The following USP40 variants were observed in gnomAD, a reference collection of about 807,000 sequenced individuals.
The protein encoded by USP40 is ubiquitin specific peptidase 40, also known as ubiquitin carboxyl-terminal hydrolase 40.
In USP40, 143 loss-of-function variants were observed where a neutral mutation model predicts 166.2. The observed-to-expected ratio is 0.86, with a 90% CI of 0.75 to 0.99. The LOEUF (loss-of-function observed/expected upper bound fraction) is 0.99, where lower values mean the gene tolerates loss of function less well. USP40 is among the 50% of genes least tolerant of loss of function. The pLI, the probability that USP40 is intolerant of heterozygous loss-of-function variation, is 0.00. For missense variants in USP40, 1,444 were observed against 1,479.7 expected (o/e 0.98, Z 0.40); for synonymous variants, 498 against 524.0 (o/e 0.95, Z 0.68).
intron 10 of USP40, among the ~76,000 whole-genome samples, chr2:233,538,084 T>G (rs1298195313): frequency 6.6e-6 from 1 of 152,162 alleles, no homozygotes; most frequent in Non-Finnish European, 1.5e-5. Context: ...GGTATACTAT[T>G]AATTTGTAAT....
chr2:233,551,914 T>C (rs766544361), intron 6 of USP40, among the ~76,000 whole-genome samples: 30 of 152,154 alleles, frequency 2.0e-4, no homozygotes, highest in Non-Finnish European at 3.7e-4. Flanking sequence ...CCTAGGAACC[T>C]GTTTTAAAGG....
In USP40 at chr2:233,524,007, C is replaced by T. The variant is rs139630509; in HGVS notation, c.1881+485G>A. The stretch of plus-strand genomic sequence containing the variant: ...GCATCTGACGCACAACCTGGTATAA[C>T]GGAGGCGCTCAAGAAATGTCTCCTT... On this transcript the variant is annotated intron_variant, in intron 15 of 31. Transcript: ENST00000678225. 6.4e-3 allele frequency among the ~76,000 whole-genome samples: 981 copies of T among 152,272 alleles called. 4 individuals carry two copies. Among genetic ancestry groups the T allele is most frequent in the African/African-American group, 0.022 (926 of 41,546 alleles).
At chr2:233,479,977 G>C (rs1189547933) in intron 31 of USP40, among the ~76,000 whole-genome samples, 1 of 152,104 alleles carries the variant, frequency 6.6e-6, no homozygotes, top group Non-Finnish European at 1.5e-5. Flanking sequence ...TCCTCGCTCG[G>C]CTCCCTGATT....
chr2:233,531,875 G>C (rs1323942326), intron 11 of USP40, among the ~76,000 whole-genome samples: 3 of 152,106 alleles, frequency 2.0e-5, no homozygotes, highest in South Asian at 2.1e-4. Flanking sequence ...ATCTTACTAG[G>C]CCTCATGCCT....
chr2:233,479,007 T>C (rs1037865969), intron 31 of USP40, among the ~76,000 whole-genome samples: 2 of 152,128 alleles, frequency 1.3e-5, no homozygotes, highest in African/African-American at 4.8e-5. Context: ...AAAAACAATA[T>C]AGTAAGTGGT....
At chr2:233,516,159 C>T (rs1466077638) in intron 18 of USP40, among the ~76,000 whole-genome samples, 1 of 151,986 alleles carries the variant, frequency 6.6e-6, no homozygotes, top group Admixed American at 6.5e-5. Flanking sequence ...AGTTTGCTGA[C>T]CTCCTCTCTA....
rs558332834 is a variant in USP40 at position 233,555,382 on chromosome 2, T to A, written c.547-856A>T. 6.6e-4 allele frequency among the ~76,000 whole-genome samples: 101 copies of A among 152,324 alleles called. 1 individual carries two copies. In the Middle Eastern group the frequency reaches 0.024, roughly 36 times the overall value. On this transcript the variant is annotated intron_variant, in intron 5 of 31. Coordinates refer to ENST00000678225, the MANE Select transcript of USP40 (RefSeq NM_001365479.2). ...GTTCTGTATGTGTGTGCAACAGCTT[T>A]ATTTTAAGAGATTTTGGGGAATGAA...
chr2:233,516,930 G>T (rs1221940453), intron 18 of USP40, among the ~76,000 whole-genome samples: 1 of 151,392 alleles, frequency 6.6e-6, no homozygotes, highest in Admixed American at 6.6e-5. Flanking sequence ...ATTTATTCAG[G>T]TCTTCTTAAA....
intron 21 of USP40, among the ~76,000 whole-genome samples, chr2:233,503,306 AT>A (rs1431645431): frequency 6.6e-6 from 1 of 152,190 alleles, no homozygotes; most frequent in African/African-American, 2.4e-5. Flanking sequence ...AAGTTTTCTC[AT>A]TGTAGAAGTG....
chr2:233,503,753 T>A (rs1370600634), intron 21 of USP40, among the ~76,000 whole-genome samples: 1 of 152,148 alleles, frequency 6.6e-6, no homozygotes, highest in Non-Finnish European at 1.5e-5. Context: ...AGACCAATCT[T>A]ACAAGAAAAT....
At position 233,533,483 on chromosome 2, in the gene USP40, A is replaced by G; in HGVS notation, c.1467T>C (p.Pro489=). ...FYRKSQLQRP[P]EARANPRYGV... is the part of the protein sequence containing the mutation. ...GGAACATTTTTCTTTCCATACCTTC[A>G]GGGGGTCTCTGCAACTGGGATTTCC... Residue 489 remains proline, a synonymous_variant, in exon 11 of 32, where the codon CCT becomes CCC. Transcript: ENST00000678225. 6.2e-7 allele frequency: 1 copy of G among 1,612,652 alleles called. No individual in the cohort carries two copies. The highest frequency in any genetic ancestry group is 1.7e-4 in the Middle Eastern group (1 of 6,056).
intron 31 of USP40, among the ~76,000 whole-genome samples, chr2:233,479,697 C>T (rs574565809): frequency 8.9e-4 from 135 of 151,850 alleles, no homozygotes; most frequent in Non-Finnish European, 1.5e-3. Flanking sequence ...AAGCAGCCAG[C>T]GCTGCAGCCC....
chr2:233,520,853 A>C, intron 17 of USP40, 138 bp downstream of exon 17: 4 of 904,742 alleles, frequency 4.4e-6, no homozygotes, highest in South Asian at 5.0e-5. Context: ...GCAATAATCA[A>C]ATGTTAAATA....
At chr2:233,517,680 C>G (rs2067324207) in intron 18 of USP40, among the ~76,000 whole-genome samples, 1 of 152,020 alleles carries the variant, frequency 6.6e-6, no homozygotes, top group Non-Finnish European at 1.5e-5. Flanking sequence ...AGCCACTGTG[C>G]CCGGCCTGCA....
In USP40 at chr2:233,485,956, C is replaced by G. The variant is rs1278664342; in HGVS notation, c.3219G>C (p.Arg1073Ser). ...TCTCACCAGGGATGCGCACCTGTGTCCTCAGCAGCACGTCCTGGGGGCTGT... is the reference window on the plus strand; with the variant it reads ...TCTCACCAGGGATGCGCACCTGTGTGCTCAGCAGCACGTCCTGGGGGCTGT... ...ENLGPQDVLLRTQVRIPGERT... is the reference protein window; with the variant it reads ...ENLGPQDVLLSTQVRIPGERT... Residue 1073 changes from arginine to serine, a missense_variant, in exon 29 of 32, where the codon AGG (arginine) becomes AGC (serine). Coordinates refer to ENST00000678225, the MANE Select transcript of USP40 (RefSeq NM_001365479.2). 3.1e-6 allele frequency: 5 copies of G among 1,587,340 alleles called. No individual in the cohort carries two copies. The highest frequency in any genetic ancestry group is 4.3e-6 in the Non-Finnish European group (5 of 1,169,000).
intron 9 of USP40, among the ~76,000 whole-genome samples, chr2:233,541,237 A>G (rs2069383569): frequency 6.6e-6 from 1 of 152,232 alleles, no homozygotes; most frequent in African/African-American, 2.4e-5. Context: ...CATATGTTGA[A>G]TTCCTAACCT....
At chr2:233,513,800 G>T (rs1214659885) in intron 18 of USP40, among the ~76,000 whole-genome samples, 11 of 152,028 alleles carry the variant, frequency 7.2e-5, no homozygotes, top group African/African-American at 2.7e-4. Flanking sequence ...GCTTGGAAGG[G>T]GCATACCAAG....
In USP40 at chr2:233,498,707, T is replaced by A. The variant is rs998014855; in HGVS notation, c.2651-95A>T. 69 of 990,148 alleles carry A rather than the reference T, an allele frequency of 7.0e-5. No individual in the cohort carries two copies. The African/African-American group carries it at 9.3e-4, about 13-fold the overall frequency. 61.3% of individuals were successfully genotyped at this position (990,148 alleles called of 1,614,324 possible). ...AGAATGTCTTGCACCCAGAGCACCT[T>A]AACTTCCTTTCCAGATAATAAAGCT... On this transcript the variant is annotated intron_variant, in intron 22 of 31. Transcript: ENST00000678225.
intron 30 of USP40, among the ~76,000 whole-genome samples, chr2:233,484,900 G>C (rs535157418): frequency 2.0e-5 from 3 of 152,232 alleles, no homozygotes; most frequent in South Asian, 4.2e-4. Context: ...TGCCCGTGTT[G>C]TTTAGTACAG....
Sources: gnomAD v4.1 joint callset for allele counts (sites outside exome capture counted in the v4.1 genomes callset) on GRCh38, gnomAD v4.1.1 for gene constraint, MANE v1.5 for transcripts, NCBI Gene and HGNC (gene_info 2026-07-23, HGNC 2026-07-21) for gene names.